The following NFATC3 variants were observed in gnomAD, a reference collection of about 807,000 sequenced individuals.
The protein encoded by NFATC3 is nuclear factor of activated T-cells, cytoplasmic 3.
A neutral mutation model predicts 98.6 loss-of-function variants in NFATC3; 46 were observed. The observed-to-expected ratio is 0.47, with a 90% CI of 0.37 to 0.60. NFATC3 has a LOEUF of 0.60. Among genes scored for constraint, NFATC3 ranks in the 20% least tolerant of loss-of-function variants. The pLI, the probability that NFATC3 is intolerant of heterozygous loss-of-function variation, is 0.00. For missense variants in NFATC3, 1,256 were observed against 1,295.5 expected, an observed-to-expected ratio of 0.97 and a Z score of 0.47; for synonymous variants, 512 against 472.2, an observed-to-expected ratio of 1.08 and a Z score of -1.09.
rs980893135 is a variant in NFATC3, at chr16:68,229,171, C to G, written c.*2700C>G. The G allele has an allele frequency of 6.6e-6, 1 of 152,176 alleles. No individual in the cohort carries two copies. The highest frequency in any genetic ancestry group is 2.4e-5 in the African/African-American group (1 of 41,426). The allele number at this position is 152,176 out of a possible 1,614,324, so 9.4% of individuals were successfully genotyped here. A position where few individuals can be genotyped will look rare whatever the true frequency, so the allele number is the denominator to read the frequency against. Reference sequence around the variant, plus strand: ...AAACCTTTTATGGGAGTGCAGTGCTCCTTACACAAATACAAAGGGAAGAAG... The same window carrying G: ...AAACCTTTTATGGGAGTGCAGTGCTGCTTACACAAATACAAAGGGAAGAAG... On this transcript the variant is annotated 3_prime_UTR_variant, in exon 10 of 10. Transcript: ENST00000346183.
At chr16:68,216,251 G>A (rs2041633035) in intron 9 of NFATC3, among the ~76,000 whole-genome samples, 1 of 152,196 alleles carries the variant, frequency 6.6e-6, no homozygotes, top group Non-Finnish European at 1.5e-5. Context: ...TGTACAAAAT[G>A]AGCAAAATAG....
chr16:68,222,783 A>G (rs1050315244), intron 9 of NFATC3, among the ~76,000 whole-genome samples: 2 of 152,136 alleles, frequency 1.3e-5, no homozygotes, highest in African/African-American at 4.8e-5. Context: ...TTCATAGCCT[A>G]TTTGGGAGAC....
chr16:68,114,422 C>T (rs2036156593), intron 1 of NFATC3, among the ~76,000 whole-genome samples: 1 of 152,138 alleles, frequency 6.6e-6, no homozygotes, highest in African/African-American at 2.4e-5. Flanking sequence ...TTCTTAACTT[C>T]TTTGCAAATG....
chr16:68,211,679 G>A (rs562637406), intron 9 of NFATC3, among the ~76,000 whole-genome samples: 371 of 151,414 alleles, frequency 2.5e-3, no homozygotes, highest in African/African-American at 8.3e-3. Context: ...TCTACCACAC[G>A]CCCAGCTAAT....
chr16:68,127,475 C>T (rs986142086), intron 3 of NFATC3, among the ~76,000 whole-genome samples: 2 of 151,756 alleles, frequency 1.3e-5, no homozygotes, highest in Non-Finnish European at 2.9e-5. Context: ...TCACTTGAGC[C>T]CAGGAATTTG....
rs578142068 is a variant in NFATC3 at position 68,163,001 on chromosome 16, C to G, written c.1602-3842C>G. 5.3e-5 allele frequency among the ~76,000 whole-genome samples: 8 copies of G among 151,872 alleles called. No homozygotes were observed. In the South Asian group the frequency reaches 1.3e-3, roughly 24 times the overall value. On this transcript the variant is annotated intron_variant, in intron 4 of 9. Coordinates refer to ENST00000346183, the MANE Select transcript of NFATC3 (RefSeq NM_173165.3). ...CTGTTTAACAAAGCACATCTTGCACCGCCCTTAATCCATTTAACCCTGAGT... is the reference window on the plus strand; with the variant it reads ...CTGTTTAACAAAGCACATCTTGCACGGCCCTTAATCCATTTAACCCTGAGT...
chr16:68,183,289 C>G lies in NFATC3; in HGVS notation c.2021C>G (p.Ala674Gly). ...CCATATCATAACCCAGCAGTTACAG[C>G]TGCAGTGCAGGTGCACTTTTATCTT... Reference protein sequence around the residue: ...VPPYHNPAVTAAVQVHFYLCN... With the variant: ...VPPYHNPAVTGAVQVHFYLCN... The change falls in exon 8 of 10, where the codon GCT becomes GGT. Residue 674 changes from alanine to glycine, a missense_variant. Physicochemically the swap from Ala to Gly is moderately conservative, Grantham distance 60 (BLOSUM62 0). Transcript: ENST00000346183. 6.2e-7 allele frequency: 1 copy of G among 1,609,368 alleles called. No homozygotes were observed. Among genetic ancestry groups the G allele is most frequent in the African/African-American group, 1.3e-5 (1 of 74,734 alleles).
In NFATC3 at chr16:68,226,627, T is replaced by A; in HGVS notation, c.*156T>A. On this transcript the variant is annotated 3_prime_UTR_variant, in exon 10 of 10. Transcript: ENST00000346183. ...GCATTCCTCCACCTCAGGCCTTGGG[T>A]AGATTTGGCAAAAGAACAGGAGCAG... 1 of 824,690 alleles carries A rather than the reference T, an allele frequency of 1.2e-6. No individual in the cohort carries two copies. Among genetic ancestry groups the A allele is most frequent in the Non-Finnish European group, 1.7e-6 (1 of 573,272 alleles). 51.1% of individuals were successfully genotyped at this position (824,690 alleles called of 1,614,324 possible).
At chr16:68,201,228 G>A (rs2040897035) in intron 9 of NFATC3, among the ~76,000 whole-genome samples, 1 of 151,562 alleles carries the variant, frequency 6.6e-6, no homozygotes, top group Non-Finnish European at 1.5e-5. Flanking sequence ...CACTGCACTT[G>A]GCCTTTTTAA....
chr16:68,197,370 A>G (rs968460578), intron 9 of NFATC3, among the ~76,000 whole-genome samples: 3 of 152,198 alleles, frequency 2.0e-5, no homozygotes, highest in Non-Finnish European at 4.4e-5. Context: ...TGCATCCTCA[A>G]CTTCCTGGGC....
chr16:68,124,816 G>A (rs1043270257), intron 2 of NFATC3, among the ~76,000 whole-genome samples: 5 of 151,022 alleles, frequency 3.3e-5, no homozygotes, highest in African/African-American at 7.3e-5. Flanking sequence ...TGCCATCTCC[G>A]CCTTCCAGGT....
intron 6 of NFATC3, among the ~76,000 whole-genome samples, chr16:68,179,688 T>A (rs1398382225): frequency 6.6e-6 from 1 of 152,124 alleles, no homozygotes; most frequent in Non-Finnish European, 1.5e-5. Context: ...TCCAAATGAG[T>A]AGTTCACTTA....
chr16:68,158,098 T>G, intron 4 of NFATC3, 30 bp downstream of exon 4: 1 of 1,449,252 alleles, frequency 6.9e-7, no homozygotes, highest in Non-Finnish European at 9.5e-7. Flanking sequence ...AAATGTGCAG[T>G]TCTTTTTTTC....
intron 9 of NFATC3, among the ~76,000 whole-genome samples, chr16:68,193,239 G>A (rs1447635882): frequency 6.6e-6 from 1 of 152,094 alleles, no homozygotes; most frequent in Non-Finnish European, 1.5e-5. Flanking sequence ...TTTTATATAA[G>A]GGACTTGCGC....
chr16:68,156,413 A>G (rs1465967749), intron 3 of NFATC3, among the ~76,000 whole-genome samples: 2 of 152,254 alleles, frequency 1.3e-5, no homozygotes, highest in African/African-American at 4.8e-5. Flanking sequence ...TCATGAATAT[A>G]CATGCAACAA....
intron 1 of NFATC3, among the ~76,000 whole-genome samples, chr16:68,107,548 C>A (rs527255135): frequency 1.3e-5 from 2 of 152,022 alleles, no homozygotes; most frequent in African/African-American, 4.8e-5. Context: ...CATGATGAAA[C>A]GTCATCTCTA....
At chr16:68,209,308 A>G (rs1354707288) in intron 9 of NFATC3, 1 of 152,346 alleles carries the variant, frequency 6.6e-6, no homozygotes, top group Non-Finnish European at 1.5e-5. Flanking sequence ...TGGAGGCTGC[A>G]GTGAGCCGTG....
At chr16:68,143,165 G>A (rs558215861) in intron 3 of NFATC3, among the ~76,000 whole-genome samples, 13 of 147,658 alleles carry the variant, frequency 8.8e-5, no homozygotes, top group African/African-American at 2.8e-4. Context: ...GGTTGAGGCT[G>A]CAGTGAGTTA....
chr16:68,095,194 TA>T lies in NFATC3; in HGVS notation c.103+9418del, dbSNP rs1180491404. Reference sequence around the variant, plus strand: ...ACAGTATTCTAGCAACTGAGGGACTTAAAAAAAATTTTTTTTTTTTGAGAGA... The same window carrying T: ...ACAGTATTCTAGCAACTGAGGGACTTAAAAAAATTTTTTTTTTTTGAGAGA... On this transcript the variant is annotated intron_variant, in intron 1 of 9. Coordinates refer to ENST00000346183, the MANE Select transcript of NFATC3 (RefSeq NM_173165.3). 8.1e-3 allele frequency among the ~76,000 whole-genome samples: 1,226 copies of T among 151,744 alleles called. 21 individuals carry two copies. Among genetic ancestry groups the T allele is most frequent in the African/African-American group, 0.028 (1,158 of 41,288 alleles).
Sources: gnomAD v4.1 joint callset for allele counts (sites outside exome capture counted in the v4.1 genomes callset) on GRCh38, gnomAD v4.1.1 for gene constraint, MANE v1.5 for transcripts, NCBI Gene and HGNC (gene_info 2026-07-23, HGNC 2026-07-21) for gene names.